LRRTM4: variants seen among roughly 807,000 people sequenced by gnomAD.
LRRTM4 encodes the protein leucine rich repeat transmembrane neuronal 4, also known as leucine-rich repeat transmembrane neuronal protein 4.
A neutral mutation model predicts 47.6 loss-of-function variants in LRRTM4; 25 were observed. That is an observed-to-expected ratio of 0.53 (90% CI 0.38 to 0.73). LRRTM4 has a LOEUF of 0.73. LRRTM4 is among the 30% of genes least tolerant of loss of function. The probability of loss-of-function intolerance (pLI) is 0.00; values close to 1 mark genes in which losing one functional copy is unlikely to be tolerated. For missense variants in LRRTM4, 638 were observed against 713.4 expected (o/e 0.89, Z 1.20); for synonymous variants, 311 against 269.5 (o/e 1.15, Z -1.51).
At chr2:76,917,288 T>C (rs1024677240) in intron 3 of LRRTM4, among the ~76,000 whole-genome samples, 27 of 152,304 alleles carry the variant, frequency 1.8e-4, no homozygotes, top group African/African-American at 5.8e-4. Context: ...TGATCTCTGA[T>C]ACACAAAGTT....
intron 3 of LRRTM4, among the ~76,000 whole-genome samples, chr2:77,395,135 C>A (rs961167688): frequency 6.6e-6 from 1 of 151,892 alleles, no homozygotes; most frequent in African/African-American, 2.4e-5. Flanking sequence ...TCTGTTCTAT[C>A]AGTCTTATGA....
chr2:77,104,875 T>C (rs890704281), intron 3 of LRRTM4, among the ~76,000 whole-genome samples: 2 of 152,174 alleles, frequency 1.3e-5, no homozygotes, highest in Non-Finnish European at 2.9e-5. Flanking sequence ...TCCAGTCATG[T>C]ATGGAAGAAA....
Position 77,040,705 on chromosome 2 carries a change from G to C in LRRTM4, c.1552-291789C>G, listed in dbSNP as rs150500154. 8.6e-3 allele frequency among the ~76,000 whole-genome samples: 1,297 copies of C among 151,520 alleles called. 20 individuals carry two copies. The highest frequency in any genetic ancestry group is 0.029 in the African/African-American group (1,188 of 41,450). The stretch of plus-strand genomic sequence containing the variant: ...ATGGGTTTAGGGGAGCAAATGAAAA[G>C]AGATTTGGAAACTAACCAGTCCACT... On this transcript the variant is annotated intron_variant, in intron 3 of 3. Coordinates refer to ENST00000409884, the MANE Select transcript of LRRTM4 (RefSeq NM_001134745.3).
At chr2:76,957,815 G>T (rs780580257) in intron 3 of LRRTM4, among the ~76,000 whole-genome samples, 5 of 151,514 alleles carry the variant, frequency 3.3e-5, no homozygotes, top group Non-Finnish European at 3.0e-5. Flanking sequence ...GTTTTGACAC[G>T]CTCACTTCTC....
chr2:77,461,611 G>C (rs1025586940), intron 3 of LRRTM4, among the ~76,000 whole-genome samples: 4 of 152,040 alleles, frequency 2.6e-5, no homozygotes, highest in Non-Finnish European at 4.4e-5. Context: ...GATTTTCAAA[G>C]TAACAAATAT....
chr2:76,901,907 C>A (rs1673650588), intron 3 of LRRTM4, among the ~76,000 whole-genome samples: 1 of 152,128 alleles, frequency 6.6e-6, no homozygotes. Flanking sequence ...TGATTAGCAA[C>A]CTAAATTCCA....
At chr2:76,999,423 G>T (rs58272699) in intron 3 of LRRTM4, among the ~76,000 whole-genome samples, 6,440 of 149,960 alleles carry the variant, frequency 0.043, 459 homozygotes, top group African/African-American at 0.15. Context: ...TTAAATCCAG[G>T]AAGGAAAACA....
chr2:77,092,182 TTTG>T (rs1359526907), intron 3 of LRRTM4, among the ~76,000 whole-genome samples: 1 of 152,178 alleles, frequency 6.6e-6, no homozygotes, highest in Non-Finnish European at 1.5e-5. Flanking sequence ...GTACTCACTC[TTTG>T]TTAAGTCCCA....
chr2:77,381,946 T>C (rs990396722), intron 3 of LRRTM4, among the ~76,000 whole-genome samples: 1 of 152,076 alleles, frequency 6.6e-6, no homozygotes, highest in African/African-American at 2.4e-5. Context: ...AACAAACATA[T>C]GAGACATTTT....
intron 3 of LRRTM4, among the ~76,000 whole-genome samples, chr2:76,964,377 A>C (rs1675956368): frequency 1.3e-5 from 2 of 151,194 alleles, no homozygotes; most frequent in South Asian, 4.1e-4. Flanking sequence ...ATAATTTTAC[A>C]GATAAATTCA....
intron 3 of LRRTM4, among the ~76,000 whole-genome samples, chr2:77,237,460 C>T (rs1229086321): frequency 6.6e-6 from 1 of 151,992 alleles, no homozygotes; most frequent in Non-Finnish European, 1.5e-5. Context: ...TGAAGTATAT[C>T]TAACAGTCTA....
intron 3 of LRRTM4, among the ~76,000 whole-genome samples, chr2:77,315,142 T>C (rs1403961710): frequency 6.6e-6 from 1 of 152,172 alleles, no homozygotes; most frequent in Non-Finnish European, 1.5e-5. Flanking sequence ...TTGCATGTAT[T>C]AAAGAATAAT....
At chr2:77,129,774 T>TA (rs1671746679) in intron 3 of LRRTM4, among the ~76,000 whole-genome samples, 1 of 152,188 alleles carries the variant, frequency 6.6e-6, no homozygotes, top group African/African-American at 2.4e-5. Context: ...AAATTCTCCT[T>TA]AAGACAATCT....
chr2:77,174,574 C>T (rs747168472), intron 3 of LRRTM4, among the ~76,000 whole-genome samples: 17 of 152,066 alleles, frequency 1.1e-4, no homozygotes, highest in African/African-American at 1.7e-4. Flanking sequence ...AAATTTTTCT[C>T]CTACCATTGC....
chr2:76,913,293 A>G (rs1573304732), intron 3 of LRRTM4, among the ~76,000 whole-genome samples: 1 of 151,958 alleles, frequency 6.6e-6, no homozygotes, highest in African/African-American at 2.4e-5. Context: ...GTTTCATGTT[A>G]AGCTTATTAC....
chr2:77,140,377 G>C lies in LRRTM4; in HGVS notation c.1551+377941C>G, dbSNP rs151030926. On this transcript the variant is annotated intron_variant, in intron 3 of 3. Transcript: ENST00000409884. ...CTGATAAAAACAAGGAATGGGAAAA[G>C]GATTCCCTAATTAATAAATGGTGCT... Among the ~76,000 whole-genome samples the C allele has an allele frequency of 7.5e-3, 1,146 of 152,238 alleles. 11 individuals are homozygous for C. The highest frequency in any genetic ancestry group is 0.025 in the African/African-American group (1,041 of 41,548).
chr2:77,063,145 A>G (rs943067804), intron 3 of LRRTM4, among the ~76,000 whole-genome samples: 1 of 150,788 alleles, frequency 6.6e-6, no homozygotes, highest in Non-Finnish European at 1.5e-5. Context: ...TTTTTAGGAG[A>G]GACAGGGTTT....
At chr2:77,047,623 T>C (rs1679278276) in intron 3 of LRRTM4, among the ~76,000 whole-genome samples, 1 of 152,056 alleles carries the variant, frequency 6.6e-6, no homozygotes, top group Admixed American at 6.6e-5. Flanking sequence ...AATCTTGCCA[T>C]TTTATAAAGA....
intron 3 of LRRTM4, among the ~76,000 whole-genome samples, chr2:77,281,226 A>G (rs1181883765): frequency 6.6e-6 from 1 of 151,930 alleles, no homozygotes; most frequent in Non-Finnish European, 1.5e-5. Flanking sequence ...TCTTGTGATA[A>G]TAGGTCTTGC....
Sources: gnomAD v4.1 joint callset for allele counts (sites outside exome capture counted in the v4.1 genomes callset) on GRCh38, gnomAD v4.1.1 for gene constraint, MANE v1.5 for transcripts, NCBI Gene and HGNC (gene_info 2026-07-23, HGNC 2026-07-21) for gene names.